FLNB: variants seen among roughly 807,000 people sequenced by gnomAD.
FLNB encodes filamin-B.
A neutral mutation model predicts 250.6 loss-of-function variants in FLNB; 111 were observed. The observed-to-expected ratio is 0.44, with a 90% confidence interval of 0.38 to 0.52. The LOEUF (loss-of-function observed/expected upper bound fraction) is 0.52, where lower values mean the gene tolerates loss of function less well. FLNB is among the 20% of genes least tolerant of loss of function. The pLI, the probability that FLNB is intolerant of heterozygous loss-of-function variation, is 0.00. For synonymous variants in FLNB, 1,302 were observed against 1,372.1 expected, an observed-to-expected ratio of 0.95 and a Z score of 1.13; for missense variants, 2,869 against 3,447.8, an observed-to-expected ratio of 0.83 and a Z score of 4.20.
intron 1 of FLNB, among the ~76,000 whole-genome samples, chr3:58,075,910 G>A (rs1026746671): frequency 1.3e-5 from 2 of 152,040 alleles, no homozygotes; most frequent in East Asian, 1.9e-4. Flanking sequence ...CAGGGGGTGC[G>A]GGAGATGGAT....
chr3:58,118,923 C>G lies in FLNB; in HGVS notation c.2797C>G (p.Pro933Ala), dbSNP rs754737303. ...TYGGDPIPKS[P>A]FTVGVAAPLD... Reference sequence around the variant, plus strand: ...CGGTGGCGATCCCATCCCTAAAAGCCCTTTCACTGTGGGTGTTGCTGCACC... The same window carrying G: ...CGGTGGCGATCCCATCCCTAAAAGCGCTTTCACTGTGGGTGTTGCTGCACC... The change falls in exon 19 of 46, where the codon CCT becomes GCT. Residue 933 changes from proline to alanine, a missense_variant. Physicochemically the swap from Pro to Ala is conservative, Grantham distance 27. This residue lies in a region of FLNB where 1,348 missense variants were observed against 1,466.7 expected (regional missense o/e 0.92). Transcript: ENST00000295956. 23 of 1,614,096 alleles carry G rather than the reference C, an allele frequency of 1.4e-5. No individual in the cohort carries two copies. The highest frequency in any genetic ancestry group is 1.7e-5 in the Non-Finnish European group (20 of 1,180,010).
intron 41 of FLNB, among the ~76,000 whole-genome samples, chr3:58,157,245 A>G (rs1472460203): frequency 6.6e-6 from 1 of 152,234 alleles, no homozygotes; most frequent in East Asian, 1.9e-4. Context: ...AAGTTGTGAA[A>G]TAACATCGAA....
At chr3:58,028,165 C>T (rs1663310492) in intron 1 of FLNB, among the ~76,000 whole-genome samples, 1 of 152,152 alleles carries the variant, frequency 6.6e-6, no homozygotes, top group African/African-American at 2.4e-5. Flanking sequence ...GATACTTATG[C>T]AGCCATTACC....
intron 35 of FLNB, 43 bp downstream of exon 35, chr3:58,148,407 G>A (rs1559729728): frequency 6.3e-7 from 1 of 1,594,294 alleles, no homozygotes; most frequent in Non-Finnish European, 8.5e-7. Flanking sequence ...GGACATCTTG[G>A]GTGGGAGATG....
rs2097164891 is a variant in FLNB at position 58,053,025 on chromosome 3, A to G, written c.293-24021A>G. Among the ~76,000 whole-genome samples, 3 of 152,124 alleles carry G rather than the reference A, an allele frequency of 2.0e-5. No individual in the cohort carries two copies. In the South Asian group the frequency reaches 6.2e-4, roughly 32 times the overall value. ...TGTGTACCATTCCTGCAAGGTATAG[A>G]CATTGTCAGCCCATTTTACAGATGA... On this transcript the variant is annotated intron_variant, in intron 1 of 45. Transcript: ENST00000295956.
intron 10 of FLNB, 151 bp from the exon 11 acceptor site, chr3:58,104,929 G>A (rs992557684): frequency 1.1e-6 from 1 of 922,596 alleles, no homozygotes; most frequent in Non-Finnish European, 1.8e-6. Context: ...TGGGTGAGAG[G>A]CCTGCAGGAG....
chr3:58,078,662 C>A, intron 2 of FLNB, 55 bp from the exon 3 acceptor site: 1 of 1,555,130 alleles, frequency 6.4e-7, no homozygotes, highest in South Asian at 1.2e-5. Flanking sequence ...ACATGGTTTC[C>A]TTTAATCTCT....
Position 58,126,677 on chromosome 3 carries a change from G to A in FLNB, c.4137G>A (p.Lys1379=), listed in dbSNP as rs772332453. 3.1e-6 allele frequency: 5 copies of A among 1,613,618 alleles called. No homozygotes were observed. The East Asian group carries it at 1.1e-4, about 36-fold the overall frequency. ...CGAAGATAAATTGCAGAGACAACAAGGATGGCAGCTGCAGTGCTGAGTACA... is the reference window on the plus strand; with the variant it reads ...CGAAGATAAATTGCAGAGACAACAAAGATGGCAGCTGCAGTGCTGAGTACA... ...SESKINCRDN[K]DGSCSAEYIP... The change falls in exon 24 of 46, where the codon AAG becomes AAA. Residue 1379 remains lysine, a synonymous_variant. Coordinates refer to ENST00000295956, the MANE Select transcript of FLNB (RefSeq NM_001457.4).
intron 18 of FLNB, among the ~76,000 whole-genome samples, chr3:58,118,379 G>T (rs754530016): frequency 1.3e-5 from 2 of 152,182 alleles, no homozygotes; most frequent in African/African-American, 4.8e-5. Context: ...AGGCCCAGCT[G>T]CACTGGCTGG....
Position 58,060,357 on chromosome 3 carries a change from T to C in FLNB, c.293-16689T>C, listed in dbSNP as rs1384462752. On this transcript the variant is annotated intron_variant, in intron 1 of 45. Coordinates refer to ENST00000295956, the MANE Select transcript of FLNB (RefSeq NM_001457.4). ...CATGGTGAGACCCTGTCTCTCTTTT[T>C]TTTTTTTTTTTTTTGAGATGGAGTC... Among the ~76,000 whole-genome samples the C allele has an allele frequency of 2.2e-4, 33 of 149,336 alleles. No homozygotes were observed. In the South Asian group the frequency reaches 2.4e-3, roughly 11 times the overall value.
intron 14 of FLNB, 58 bp from the exon 15 acceptor site, chr3:58,109,518 G>A: frequency 6.2e-7 from 1 of 1,613,482 alleles, no homozygotes; most frequent in Non-Finnish European, 8.5e-7. Context: ...TTTTTTAATA[G>A]TATTTTACTG....
intron 4 of FLNB, among the ~76,000 whole-genome samples, chr3:58,091,519 CAAAA>C (rs2097227324): frequency 6.6e-6 from 1 of 151,612 alleles, no homozygotes. Flanking sequence ...AACCAAAAAA[CAAAA>C]AACCCATATA....
At chr3:58,019,873 C>T (rs924637894) in intron 1 of FLNB, among the ~76,000 whole-genome samples, 2 of 152,276 alleles carry the variant, frequency 1.3e-5, no homozygotes, top group East Asian at 1.9e-4. Flanking sequence ...CCTTTGGTTT[C>T]CAGGGGGCAG....
chr3:58,055,856 C>T (rs377704746), intron 1 of FLNB, among the ~76,000 whole-genome samples: 8 of 151,926 alleles, frequency 5.3e-5, no homozygotes, highest in African/African-American at 1.9e-4. Flanking sequence ...GCAATAAATG[C>T]ACATCTGTAT....
Position 58,077,192 on chromosome 3 carries a change from G to A in FLNB, c.439G>A (p.Gly147Arg). 1.2e-6 allele frequency: 2 copies of A among 1,614,134 alleles called. No homozygotes were observed. The highest frequency in any genetic ancestry group is 1.7e-6 in the Non-Finnish European group (2 of 1,180,010). ...KKQTPKQRLLGWIQNKIPYLP... is the reference protein window; with the variant it reads ...KKQTPKQRLLRWIQNKIPYLP... The stretch of plus-strand genomic sequence containing the variant: ...GCAGACGCCAAAGCAGAGGCTGCTG[G>A]GGTGGATTCAGAACAAGATCCCCTA... Residue 147 changes from glycine to arginine, a missense_variant, in exon 2 of 46, where the codon GGG (glycine) becomes AGG (arginine). By Grantham distance (125) the Gly-to-Arg change is moderately radical. This residue lies in a region of FLNB where 308 missense variants were observed against 466.1 expected (regional missense o/e 0.66). Transcript: ENST00000295956.
At chr3:58,135,929 T>C (rs1414455588) in intron 27 of FLNB, 50 bp from the exon 28 acceptor site, 1 of 1,588,996 alleles carries the variant, frequency 6.3e-7, no homozygotes, top group African/African-American at 1.3e-5. Flanking sequence ...TCCATGAATG[T>C]TTTCTACATC....
At chr3:58,076,949 C>A in intron 1 of FLNB, 97 bp from the exon 2 acceptor site, 1 of 1,376,440 alleles carries the variant, frequency 7.3e-7, no homozygotes, top group Non-Finnish European at 1.0e-6. Context: ...CAGTATGGTT[C>A]TCTAATAGTT....
At chr3:58,118,454 G>T (rs1382404404) in intron 18 of FLNB, among the ~76,000 whole-genome samples, 1 of 152,138 alleles carries the variant, frequency 6.6e-6, no homozygotes, top group East Asian at 1.9e-4. Flanking sequence ...GGGGGCCATG[G>T]GTATGAGGCC....
chr3:58,131,152 A>C (rs1209268863), intron 25 of FLNB, among the ~76,000 whole-genome samples: 5 of 152,168 alleles, frequency 3.3e-5, no homozygotes, highest in African/African-American at 1.2e-4. Context: ...AGGAAGCAGC[A>C]GTATTTGGGC....
Sources: gnomAD v4.1 joint callset for allele counts (sites outside exome capture counted in the v4.1 genomes callset) on GRCh38, gnomAD v4.1.1 for gene constraint, gnomAD v4.1.1 regional missense constraint, MANE v1.5 for transcripts, NCBI Gene and HGNC (gene_info 2026-07-23, HGNC 2026-07-21) for gene names.